MRPL1: variants seen among roughly 807,000 people sequenced by gnomAD.
MRPL1 encodes the protein mitochondrial ribosomal protein L1, also known as large ribosomal subunit protein uL1m.
A neutral mutation model predicts 38.0 loss-of-function variants in MRPL1; 28 were observed. That is an observed-to-expected ratio of 0.74 (90% CI 0.55 to 1.01). The LOEUF is 1.01. Among genes scored for constraint, MRPL1 ranks in the 50% least tolerant of loss-of-function variants. The pLI, the probability that MRPL1 is intolerant of heterozygous loss-of-function variation, is 0.00. For synonymous variants in MRPL1, 123 were observed against 126.7 expected (o/e 0.97, Z 0.20); for missense variants, 358 against 389.8 (o/e 0.92, Z 0.69).
At chr4:77,931,237 C>T (rs1736837405) in intron 7 of MRPL1, among the ~76,000 whole-genome samples, 1 of 152,212 alleles carries the variant, frequency 6.6e-6, no homozygotes, top group African/African-American at 2.4e-5. Context: ...TTATTGAAGG[C>T]CACCACTTCA....
intron 5 of MRPL1, among the ~76,000 whole-genome samples, chr4:77,888,325 T>C (rs2110237858): frequency 6.6e-6 from 1 of 152,164 alleles, no homozygotes; most frequent in South Asian, 2.1e-4. Context: ...GCCAACACGG[T>C]GAATCCCCAC....
intron 7 of MRPL1, among the ~76,000 whole-genome samples, chr4:77,928,727 G>T (rs1397766554): frequency 6.6e-6 from 1 of 152,048 alleles, no homozygotes; most frequent in African/African-American, 2.4e-5. Context: ...AGTATATTTA[G>T]TTGGGGTGAG....
At chr4:77,890,515 C>T (rs1319089974) in intron 5 of MRPL1, among the ~76,000 whole-genome samples, 2 of 152,126 alleles carry the variant, frequency 1.3e-5, no homozygotes, top group Non-Finnish European at 2.9e-5. Context: ...TTATGACAAA[C>T]CCACAGCCAA....
At chr4:77,876,320 G>T (rs1168207754) in intron 2 of MRPL1, among the ~76,000 whole-genome samples, 2 of 152,028 alleles carry the variant, frequency 1.3e-5, no homozygotes, top group African/African-American at 4.8e-5. Context: ...TTTCTGTTGG[G>T]CTTCGTCTTT....
intron 7 of MRPL1, among the ~76,000 whole-genome samples, chr4:77,922,437 C>T (rs926110517): frequency 6.6e-6 from 1 of 151,998 alleles, no homozygotes; most frequent in Non-Finnish European, 1.5e-5. Flanking sequence ...AGATGGAGAC[C>T]CTTTGAAGGG....
intron 7 of MRPL1, among the ~76,000 whole-genome samples, chr4:77,916,893 T>C (rs1000909916): frequency 1.3e-5 from 2 of 152,226 alleles, no homozygotes; most frequent in Admixed American, 1.3e-4. Context: ...CAAATTACTT[T>C]CTAAAATGTT....
At chr4:77,916,330 GA>G (rs1319419952) in intron 7 of MRPL1, among the ~76,000 whole-genome samples, 2 of 151,994 alleles carry the variant, frequency 1.3e-5, no homozygotes, top group African/African-American at 4.8e-5. Flanking sequence ...AGCATATTAA[GA>G]AACACTAGAA....
chr4:77,914,134 T>TA (rs1187284891), intron 7 of MRPL1, among the ~76,000 whole-genome samples: 1 of 151,992 alleles, frequency 6.6e-6, no homozygotes, highest in African/African-American at 2.4e-5. Context: ...TATGTAGCAA[T>TA]AAAAAAGAAT....
intron 6 of MRPL1, among the ~76,000 whole-genome samples, chr4:77,905,032 A>G (rs891262510): frequency 6.6e-6 from 1 of 152,240 alleles, no homozygotes; most frequent in Non-Finnish European, 1.5e-5. Context: ...TCATGGGTGA[A>G]TACCCCTAAG....
At chr4:77,873,717 TTG>T (rs1735334546) in intron 2 of MRPL1, among the ~76,000 whole-genome samples, 1 of 152,194 alleles carries the variant, frequency 6.6e-6, no homozygotes, top group Non-Finnish European at 1.5e-5. Flanking sequence ...TCCTCTGTCT[TTG>T]AGATTTTCAC....
intron 1 of MRPL1, among the ~76,000 whole-genome samples, chr4:77,864,105 A>T (rs561390359): frequency 2.0e-5 from 3 of 151,610 alleles, no homozygotes; most frequent in African/African-American, 7.3e-5. Flanking sequence ...CCTGATGCCT[A>T]CTTTGTGAGC....
chr4:77,884,358 A>G (rs1735625774), intron 3 of MRPL1, among the ~76,000 whole-genome samples: 1 of 152,122 alleles, frequency 6.6e-6, no homozygotes, highest in Non-Finnish European at 1.5e-5. Flanking sequence ...AATCAGTTTT[A>G]TTAGGGGAAC....
rs918627656 is a variant in MRPL1, at chr4:77,885,286, A to C, written c.433A>C (p.Ser145Arg). ...KNVEPFTSVL[S>R]LPYPFASEIN... Reference sequence around the variant, plus strand: ...CGTGGAGCCATTTACCAGTGTTCTTAGTTTGCCATACCCATTTGCTTCCGA... The same window carrying C: ...CGTGGAGCCATTTACCAGTGTTCTTCGTTTGCCATACCCATTTGCTTCCGA... The change falls in exon 4 of 9, where the codon AGT becomes CGT. Residue 145 changes from serine to arginine, a missense_variant. Transcript: ENST00000315567. 6.2e-7 allele frequency: 1 copy of C among 1,613,978 alleles called. No individual in the cohort carries two copies. The highest frequency in any genetic ancestry group is 1.7e-5 in the Admixed American group (1 of 60,024).
chr4:77,881,150 G>T (rs1735529371), intron 2 of MRPL1, among the ~76,000 whole-genome samples: 1 of 152,174 alleles, frequency 6.6e-6, no homozygotes, highest in African/African-American at 2.4e-5. Context: ...AAATAAAGGG[G>T]CTGGGAAATA....
chr4:77,946,633 G>T (rs960084950), intron 7 of MRPL1, among the ~76,000 whole-genome samples: 1 of 152,132 alleles, frequency 6.6e-6, no homozygotes, highest in Non-Finnish European at 1.5e-5. Flanking sequence ...ATATTAAAAT[G>T]AAATATTCAC....
At chr4:77,874,335 C>G (rs1334771208) in intron 2 of MRPL1, among the ~76,000 whole-genome samples, 1 of 152,116 alleles carries the variant, frequency 6.6e-6, no homozygotes, top group Non-Finnish European at 1.5e-5. Context: ...TCATATGGAG[C>G]TGTCTAGTCA....
chr4:77,902,385 TA>T (rs552547011), intron 6 of MRPL1, among the ~76,000 whole-genome samples: 7,505 of 95,124 alleles, frequency 0.079, 392 homozygotes, highest in African/African-American at 0.19. Context: ...ACCGGCTTTC[TA>T]AAAAAAAAAA....
At chr4:77,944,925 C>T (rs928577385) in intron 7 of MRPL1, among the ~76,000 whole-genome samples, 7 of 152,038 alleles carry the variant, frequency 4.6e-5, no homozygotes, top group African/African-American at 1.4e-4. Flanking sequence ...AGTGCTCAGA[C>T]ACGTAGCTAC....
At chr4:77,891,194 A>G (rs986070568) in intron 5 of MRPL1, among the ~76,000 whole-genome samples, 20 of 151,970 alleles carry the variant, frequency 1.3e-4, no homozygotes, top group Non-Finnish European at 2.8e-4. Context: ...TTAAAAAATA[A>G]TCATCACAAA....
Sources: allele counts gnomAD v4.1 joint callset (sites outside exome capture counted in the v4.1 genomes callset), GRCh38; gene constraint gnomAD v4.1.1; transcripts MANE v1.5; gene names NCBI Gene and HGNC (gene_info 2026-07-23, HGNC 2026-07-21).